The following MIP variants were observed in gnomAD, a reference collection of about 807,000 sequenced individuals.
MIP encodes lens fiber major intrinsic protein.
A neutral mutation model predicts 21.8 loss-of-function variants in MIP; 14 were observed. That is an observed-to-expected ratio of 0.64 (90% CI 0.42 to 1.00). The LOEUF (loss-of-function observed/expected upper bound fraction) is 1.00. MIP is among the 50% of genes least tolerant of loss of function. The pLI, the probability that MIP is intolerant of heterozygous loss-of-function variation, is 0.00. For synonymous variants in MIP, 133 were observed against 141.4 expected (o/e 0.94, Z 0.42); for missense variants, 260 against 333.5 (o/e 0.78, Z 1.72).
rs570458878 is a variant in MIP, at chr12:56,449,637, G to T, written c.*1643C>A. The T allele has an allele frequency of 1.3e-5, 2 of 152,218 alleles. No individual in the cohort carries two copies. Among genetic ancestry groups the T allele is most frequent in the Non-Finnish European group, 2.9e-5 (2 of 68,030 alleles). The allele number at this position is 152,218 out of a possible 1,614,324, so 9.4% of individuals were successfully genotyped here. ...TTCTTCCCCTTCTTCTAGTCAAGCG[G>T]ACTATTCCAAGTCTTAAATAGTTAG... On this transcript the variant is annotated 3_prime_UTR_variant, in exon 4 of 4. Coordinates refer to ENST00000652304, the MANE Select transcript of MIP (RefSeq NM_012064.4).
intron 3 of MIP, 33 bp from the exon 4 acceptor site, chr12:56,451,498 G>T (rs1868617736): frequency 7.5e-6 from 12 of 1,604,808 alleles, no homozygotes; most frequent in Non-Finnish European, 9.4e-6. Context: ...CTCAGGCTTG[G>T]GGAGGGGACA....
Position 56,453,591 on chromosome 12 carries a change from C to T in MIP, c.525G>A (p.Gly175=). 6.2e-7 allele frequency: 1 copy of T among 1,614,248 alleles called. No homozygotes were observed. ...AGAAGTTGCTCTCCTTCCTGCTTAC[C>T]CCAAAGAGGTGCCCCAGGGCAAGGG... ...GFSLALGHLF[G]MYYTGAGMNP... The change falls in exon 2 of 4, where the codon GGG becomes GGA. Residue 175 remains glycine, a splice_region_variant and synonymous_variant. Coordinates refer to ENST00000652304, the MANE Select transcript of MIP (RefSeq NM_012064.4).
At chr12:56,452,923 A>G in intron 3 of MIP, 149 bp downstream of exon 3, 1 of 713,864 alleles carries the variant, frequency 1.4e-6, no homozygotes. Flanking sequence ...CTGCTCACAC[A>G]GGCATGCCAA....
chr12:56,455,894 G>C (rs1868778019), upstream of MIP, among the ~76,000 whole-genome samples: 1 of 152,308 alleles, frequency 6.6e-6, no homozygotes, highest in South Asian at 2.1e-4. Context: ...CCTGTGGGGA[G>C]AGAGAAGGAA....
At chr12:56,455,447 T>C (rs1051535023), upstream of MIP, among the ~76,000 whole-genome samples, 3 of 152,134 alleles carry the variant, frequency 2.0e-5, no homozygotes, top group African/African-American at 7.2e-5. Flanking sequence ...ATTTCATCTT[T>C]CCTAACTCAC....
chr12:56,455,117 A>G (rs942222893), upstream of MIP, among the ~76,000 whole-genome samples: 1 of 152,030 alleles, frequency 6.6e-6, no homozygotes, highest in African/African-American at 2.4e-5. Context: ...AGTGGGGTTC[A>G]GCAGGGAAGT....
At chr12:56,453,537 A>G (rs1437708327) in intron 2 of MIP, 54 bp downstream of exon 2, 3 of 1,604,864 alleles carry the variant, frequency 1.9e-6, no homozygotes, top group African/African-American at 2.7e-5. Flanking sequence ...AAGTTGGGAA[A>G]GGTTTAGGGG....
upstream of MIP, among the ~76,000 whole-genome samples, chr12:56,455,290 A>T (rs1868759711): frequency 1.3e-5 from 2 of 151,822 alleles, no homozygotes; most frequent in Admixed American, 1.3e-4. Flanking sequence ...CCATGACAGC[A>T]CCTCCCTTTT....
At chr12:56,455,933 A>T (rs866111936), upstream of MIP, among the ~76,000 whole-genome samples, 1 of 152,334 alleles carries the variant, frequency 6.6e-6, no homozygotes. Context: ...CTTTCTCCTC[A>T]TAATACCCAG....
At chr12:56,453,389 T>G in intron 2 of MIP, among the ~76,000 whole-genome samples, 1 of 152,214 alleles carries the variant, frequency 6.6e-6, no homozygotes, top group East Asian at 1.9e-4. Flanking sequence ...ATACGTTCAT[T>G]TCTACCTTGG....
chr12:56,451,554 G>A (rs1486196246), intron 3 of MIP, 89 bp from the exon 4 acceptor site: 1 of 1,081,784 alleles, frequency 9.2e-7, no homozygotes, highest in Non-Finnish European at 1.4e-6. Flanking sequence ...TGGAAAACAA[G>A]ATATTGTACA....
In MIP at chr12:56,450,973, T is replaced by G. The variant is rs1215146326; in HGVS notation, c.*307A>C. 2.5e-6 allele frequency: 1 copy of G among 392,724 alleles called. No homozygotes were observed. The highest frequency in any genetic ancestry group is 4.7e-6 in the Non-Finnish European group (1 of 211,788). The allele number at this position is 392,724 out of a possible 1,614,324, so 24.3% of individuals were successfully genotyped here. A position where few individuals can be genotyped will look rare whatever the true frequency, so the allele number is the denominator to read the frequency against. On this transcript the variant is annotated 3_prime_UTR_variant, in exon 4 of 4. Coordinates refer to ENST00000652304, the MANE Select transcript of MIP (RefSeq NM_012064.4). ...GGAGGTATAGGATGGCACCTCTTTTTGCTTCCTTAGCTCTCATGCCCCAAA... is the reference window on the plus strand; with the variant it reads ...GGAGGTATAGGATGGCACCTCTTTTGGCTTCCTTAGCTCTCATGCCCCAAA...
At chr12:56,452,090 A>G (rs750802246) in intron 3 of MIP, among the ~76,000 whole-genome samples, 1 of 152,172 alleles carries the variant, frequency 6.6e-6, no homozygotes, top group Non-Finnish European at 1.5e-5. Flanking sequence ...ACAGTTTAGT[A>G]GTGTTAAGTA....
Position 56,452,658 on chromosome 12 carries a change from T to C in MIP, c.606+414A>G, listed in dbSNP as rs1225296181. Reference sequence around the variant, plus strand: ...TGTCCCATTTTATAGTAAAACAAACTGAAGCACAGAGTGATTATTTGCCCA... The same window carrying C: ...TGTCCCATTTTATAGTAAAACAAACCGAAGCACAGAGTGATTATTTGCCCA... On this transcript the variant is annotated intron_variant, in intron 3 of 3. Coordinates refer to ENST00000652304, the MANE Select transcript of MIP (RefSeq NM_012064.4). The C allele has an allele frequency of 1.2e-5, 3 of 244,006 alleles. No homozygotes were observed. In the Admixed American group the frequency reaches 1.5e-4, roughly 12 times the overall value. The allele number at this position is 244,006 out of a possible 1,614,324, so 15.1% of individuals were successfully genotyped here.
upstream of MIP, among the ~76,000 whole-genome samples, chr12:56,455,979 T>C (rs1868780194): frequency 6.6e-6 from 1 of 152,072 alleles, no homozygotes; most frequent in Non-Finnish European, 1.5e-5. Context: ...ATAGTGAAGG[T>C]AGAGGGTCCA....
intron 2 of MIP, 97 bp from the exon 3 acceptor site, chr12:56,453,249 C>G: frequency 1.1e-6 from 1 of 932,852 alleles, no homozygotes; most frequent in Non-Finnish European, 1.7e-6. Context: ...CATCTTTTCT[C>G]CAGCCAGCAG....
rs1373547564 is a variant in MIP at position 56,450,445 on chromosome 12, G to A, written c.*835C>T. ...GGATGTCAGGCTGACCAGTTAAGCT[G>A]CTTAATTTTTCTAGATTCTAGGCTT... is the stretch of plus-strand genomic sequence containing the variant. On this transcript the variant is annotated 3_prime_UTR_variant, in exon 4 of 4. Transcript: ENST00000652304. The A allele has an allele frequency of 1.3e-5, 2 of 152,188 alleles. No individual in the cohort carries two copies. The highest frequency in any genetic ancestry group is 4.8e-5 in the African/African-American group (2 of 41,436). 9.4% of individuals were successfully genotyped at this position (152,188 alleles called of 1,614,324 possible). A position where few individuals can be genotyped will look rare whatever the true frequency, so the allele number is the denominator to read the frequency against.
In MIP at chr12:56,454,387, A is replaced by G; in HGVS notation, c.227T>C (p.Leu76Pro). ...GAGCAGGGACATCTGGGAGCCCACA[A>G]GGAAAGCAAAAGTGACTGCAGGATT... is the stretch of plus-strand genomic sequence containing the variant. The part of the protein sequence containing the change: ...HVNPAVTFAF[L>P]VGSQMSLLRA... The change falls in exon 1 of 4, where the codon CTT becomes CCT. Residue 76 changes from leucine to proline, a missense_variant. Transcript: ENST00000652304. The G allele has an allele frequency of 1.2e-6, 2 of 1,614,158 alleles. No homozygotes were observed. The highest frequency in any genetic ancestry group is 1.7e-6 in the Non-Finnish European group (2 of 1,180,040).
chr12:56,453,879 C>A, intron 1 of MIP, 124 bp from the exon 2 acceptor site: 1 of 949,878 alleles, frequency 1.1e-6, no homozygotes, highest in Non-Finnish European at 1.6e-6. Flanking sequence ...TAATACAACC[C>A]CCTTCATAAT....
Sources: allele counts gnomAD v4.1 joint callset (sites outside exome capture counted in the v4.1 genomes callset), GRCh38; gene constraint gnomAD v4.1.1; transcripts MANE v1.5; gene names NCBI Gene and HGNC (gene_info 2026-07-23, HGNC 2026-07-21).